The following KLF6 variants were observed in gnomAD, a reference collection of about 807,000 sequenced individuals.
KLF6 encodes Krueppel-like factor 6.
For missense variants in KLF6, 233 were observed against 359.8 expected, an observed-to-expected ratio of 0.65 and a Z score of 2.85; for synonymous variants, 152 against 147.9, an observed-to-expected ratio of 1.03 and a Z score of -0.20.
rs1341867145 is a variant in KLF6 at position 3,781,674 on chromosome 10, AG to A, written c.642del (p.Ser215ProfsTer3). ...FNGCRKVYTK[S>X]SHLKAHQRTH... is the part of the protein sequence containing the mutation. Reference sequence around the variant, plus strand: ...GTCCGCTGGTGTGCTTTCAAGTGGGAGCTTTTGGTGTAAACTTTCCTGCAGC... The same window carrying A: ...GTCCGCTGGTGTGCTTTCAAGTGGGACTTTTGGTGTAAACTTTCCTGCAGC... On this transcript the variant is annotated frameshift_variant, in exon 2 of 4. Coordinates refer to ENST00000497571, the MANE Select transcript of KLF6 (RefSeq NM_001300.6). LOFTEE classifies it high-confidence loss of function. The surrounding 1 kb of genome is among the most constrained non-coding windows in gnomAD (Gnocchi z 5.8). The A allele has an allele frequency of 6.2e-7, 1 of 1,612,856 alleles. No homozygotes were observed. The highest frequency in any genetic ancestry group is 8.5e-7 in the Non-Finnish European group (1 of 1,179,118).
chr10:3,779,484 G>T lies in KLF6; in HGVS notation c.*55C>A. The T allele has an allele frequency of 6.8e-7, 1 of 1,471,940 alleles. No individual in the cohort carries two copies. The highest frequency in any genetic ancestry group is 9.5e-7 in the Non-Finnish European group (1 of 1,050,454). The allele number at this position is 1,471,940 out of a possible 1,614,324, so 91.2% of individuals were successfully genotyped here. ...CTGGAACACGCATCCCTCCTTCCACGGCCGGCTCTCAGCCTGGAAGCCTTT... is the reference window on the plus strand; with the variant it reads ...CTGGAACACGCATCCCTCCTTCCACTGCCGGCTCTCAGCCTGGAAGCCTTT... On this transcript the variant is annotated 3_prime_UTR_variant, in exon 4 of 4. Coordinates refer to ENST00000497571, the MANE Select transcript of KLF6 (RefSeq NM_001300.6).
In KLF6 at chr10:3,776,121, T is replaced by A. The variant is rs758611091; in HGVS notation, c.*3418A>T. The A allele has an allele frequency of 1.9e-6, 1 of 529,804 alleles. No individual in the cohort carries two copies. 32.8% of individuals were successfully genotyped at this position (529,804 alleles called of 1,614,324 possible). On this transcript the variant is annotated 3_prime_UTR_variant, in exon 4 of 4. Coordinates refer to ENST00000497571, the MANE Select transcript of KLF6 (RefSeq NM_001300.6). ...CCCTCCCAGACATGCCTCAGCCAGG[T>A]GTGTGGCAGGGCTGGCTGGGGAAGG...
chr10:3,779,697 G>A, intron 3 of KLF6, 107 bp from the exon 4 acceptor site: 1 of 973,488 alleles, frequency 1.0e-6, no homozygotes, highest in South Asian at 1.4e-5. Flanking sequence ...ACCCCCTGCA[G>A]GGAAAGGTGG....
chr10:3,785,072 G>A lies in KLF6; in HGVS notation c.-58C>T, dbSNP rs754722959. ...GAGGGCGGCGAGGCGCGCGGTGGGA[G>A]CCGGAGCCGAAAGTCTCCCCGGAGC... On this transcript the variant is annotated 5_prime_UTR_variant, in exon 1 of 4. Transcript: ENST00000497571. 7 of 1,605,460 alleles carry A rather than the reference G, an allele frequency of 4.4e-6. No homozygotes were observed. Among genetic ancestry groups the A allele is most frequent in the Admixed American group, 1.7e-5 (1 of 58,998 alleles).
At position 3,779,462 on chromosome 10, in the gene KLF6, G is replaced by C; in HGVS notation, c.*77C>G. The C allele has an allele frequency of 2.4e-6, 3 of 1,266,476 alleles. No homozygotes were observed. Among genetic ancestry groups the C allele is most frequent in the Non-Finnish European group, 3.5e-6 (3 of 864,928 alleles). The allele number at this position is 1,266,476 out of a possible 1,614,324, so 78.5% of individuals were successfully genotyped here. Reference sequence around the variant, plus strand: ...GGTGCAGAACGGCATGCTTTGGCTGGAACACGCATCCCTCCTTCCACGGCC... The same window carrying C: ...GGTGCAGAACGGCATGCTTTGGCTGCAACACGCATCCCTCCTTCCACGGCC... On this transcript the variant is annotated 3_prime_UTR_variant, in exon 4 of 4. Coordinates refer to ENST00000497571, the MANE Select transcript of KLF6 (RefSeq NM_001300.6).
rs760295888 is a variant in KLF6, at chr10:3,782,038, C to G, written c.279G>C (p.Pro93=). The change falls in exon 2 of 4, where the codon CCG becomes CCC. Residue 93 remains proline, a synonymous_variant. Transcript: ENST00000497571. This position sits in a 1 kb window ranked among gnomAD's most constrained non-coding sequence, Gnocchi z 4.3. Reference sequence around the variant, plus strand: ...TGGTCTCTAAGTTGTAACAAAAGCTCGGGCTGATGAGAGTGTCCTCTGGAG... The same window carrying G: ...TGGTCTCTAAGTTGTAACAAAAGCTGGGGCTGATGAGAGTGTCCTCTGGAG... The part of the protein sequence containing the change: ...SSPPEDTLIS[P]SFCYNLETNS... 10 of 1,614,064 alleles carry G rather than the reference C, an allele frequency of 6.2e-6. No individual in the cohort carries two copies. Among genetic ancestry groups the G allele is most frequent in the Admixed American group, 1.7e-5 (1 of 60,002 alleles).
rs183568609 is a variant in KLF6, at chr10:3,785,169, C to T, written c.-155G>A. Reference sequence around the variant, plus strand: ...CCGGACCCTCCCGCAGCCCGCAGCGCGCGGAGCCCACACAATATTTGCAAA... The same window carrying T: ...CCGGACCCTCCCGCAGCCCGCAGCGTGCGGAGCCCACACAATATTTGCAAA... On this transcript the variant is annotated 5_prime_UTR_variant, in exon 1 of 4. Transcript: ENST00000497571. The T allele has an allele frequency of 6.8e-7, 1 of 1,460,542 alleles. No individual in the cohort carries two copies. 90.5% of individuals were successfully genotyped at this position (1,460,542 alleles called of 1,614,324 possible). A position where few individuals can be genotyped will look rare whatever the true frequency, so the allele number is the denominator to read the frequency against.
Position 3,778,120 on chromosome 10 carries a change from A to G in KLF6, c.*1419T>C. ...CCTAAAGTGTTGAACAAATACTGAC[A>G]TGTAAAGGGAGTTTCACTCTATGTC... On this transcript the variant is annotated 3_prime_UTR_variant, in exon 4 of 4. Transcript: ENST00000497571. 1.9e-6 allele frequency: 1 copy of G among 517,464 alleles called. No individual in the cohort carries two copies. The highest frequency in any genetic ancestry group is 1.5e-5 in the South Asian group (1 of 65,044). The allele number at this position is 517,464 out of a possible 1,614,324, so 32.1% of individuals were successfully genotyped here.
chr10:3,777,606 T>G lies in KLF6; in HGVS notation c.*1933A>C, dbSNP rs77837428. 6.0e-3 allele frequency: 3,021 copies of G among 507,500 alleles called. 86 individuals are homozygous for G. The highest frequency in any genetic ancestry group is 0.051 in the African/African-American group (2,651 of 52,338). 31.4% of individuals were successfully genotyped at this position (507,500 alleles called of 1,614,324 possible). On this transcript the variant is annotated 3_prime_UTR_variant, in exon 4 of 4. Transcript: ENST00000497571. Reference sequence around the variant, plus strand: ...GAAAGTCCTCCGCACATCGTTAAATTAAAGATAAAGCCTCTATAAAAGTTA... The same window carrying G: ...GAAAGTCCTCCGCACATCGTTAAATGAAAGATAAAGCCTCTATAAAAGTTA...
Position 3,778,476 on chromosome 10 carries a change from C to G in KLF6, c.*1063G>C, listed in dbSNP as rs1388367462. The stretch of plus-strand genomic sequence containing the variant: ...AACATTAGACCAGCAATTCCCAGCC[C>G]CAGCTTTGTGACACTCAATACGTGT... On this transcript the variant is annotated 3_prime_UTR_variant, in exon 4 of 4. Transcript: ENST00000497571. 1.9e-6 allele frequency: 1 copy of G among 525,436 alleles called. No homozygotes were observed. Among genetic ancestry groups the G allele is most frequent in the Admixed American group, 2.2e-5 (1 of 44,722 alleles). The allele number at this position is 525,436 out of a possible 1,614,324, so 32.5% of individuals were successfully genotyped here.
In KLF6 at chr10:3,779,325, G is replaced by A. The variant is rs1443498941; in HGVS notation, c.*214C>T. 15 of 672,674 alleles carry A rather than the reference G, an allele frequency of 2.2e-5. No individual in the cohort carries two copies. The highest frequency in any genetic ancestry group is 1.9e-4 in the African/African-American group (11 of 56,700). 41.7% of individuals were successfully genotyped at this position (672,674 alleles called of 1,614,324 possible). A position where few individuals can be genotyped will look rare whatever the true frequency, so the allele number is the denominator to read the frequency against. ...GCTCGGAAGGGCGGGTACCAGTGGC[G>A]AGTCCAGGGTCACCCACATACCATG... is the stretch of plus-strand genomic sequence containing the variant. On this transcript the variant is annotated 3_prime_UTR_variant, in exon 4 of 4. Transcript: ENST00000497571.
In KLF6 at chr10:3,776,244, G is replaced by A. The variant is rs1156266467; in HGVS notation, c.*3295C>T. The stretch of plus-strand genomic sequence containing the variant: ...GTCGTTGTGCAGGTGCCTCTGCAAT[G>A]CATTCCCTGGCTTGAGCAATGGAAG... On this transcript the variant is annotated 3_prime_UTR_variant, in exon 4 of 4. Coordinates refer to ENST00000497571, the MANE Select transcript of KLF6 (RefSeq NM_001300.6). 1 of 526,278 alleles carries A rather than the reference G, an allele frequency of 1.9e-6. No homozygotes were observed. The highest frequency in any genetic ancestry group is 2.3e-5 in the Admixed American group (1 of 43,830). 32.6% of individuals were successfully genotyped at this position (526,278 alleles called of 1,614,324 possible).
Position 3,779,311 on chromosome 10 carries a change from C to T in KLF6, c.*228G>A, listed in dbSNP as rs1479167631. ...AAGGCTTAGGCGCCGCTCGGAAGGG[C>T]GGGTACCAGTGGCGAGTCCAGGGTC... On this transcript the variant is annotated 3_prime_UTR_variant, in exon 4 of 4. Coordinates refer to ENST00000497571, the MANE Select transcript of KLF6 (RefSeq NM_001300.6). 9.0e-6 allele frequency: 6 copies of T among 666,426 alleles called. No homozygotes were observed. Among genetic ancestry groups the T allele is most frequent in the South Asian group, 1.5e-5 (1 of 66,326 alleles). 41.3% of individuals were successfully genotyped at this position (666,426 alleles called of 1,614,324 possible).
chr10:3,783,407 G>A (rs1266467308), intron 1 of KLF6: 1 of 152,216 alleles, frequency 6.6e-6, no homozygotes, highest in Non-Finnish European at 1.5e-5. Context: ...ACAGATTTCA[G>A]TTTCTACACC....
Position 3,776,912 on chromosome 10 carries a change from A to C in KLF6, c.*2627T>G. On this transcript the variant is annotated 3_prime_UTR_variant, in exon 4 of 4. Coordinates refer to ENST00000497571, the MANE Select transcript of KLF6 (RefSeq NM_001300.6). ...ACATGTTTCGTAAGTGAGACAAGCC[A>C]GTGCAAGTTTTTTTTTTTCCTTTTT... 2 of 516,450 alleles carry C rather than the reference A, an allele frequency of 3.9e-6. No homozygotes were observed. The highest frequency in any genetic ancestry group is 7.4e-6 in the Non-Finnish European group (2 of 269,116). The allele number at this position is 516,450 out of a possible 1,614,324, so 32.0% of individuals were successfully genotyped here.
chr10:3,779,356 C>T lies in KLF6; in HGVS notation c.*183G>A, dbSNP rs147792850. The T allele has an allele frequency of 3.3e-4, 225 of 688,870 alleles. 3 individuals are homozygous for T. The East Asian group carries it at 5.9e-3, about 18-fold the overall frequency. The allele number at this position is 688,870 out of a possible 1,614,324, so 42.7% of individuals were successfully genotyped here. A position where few individuals can be genotyped will look rare whatever the true frequency, so the allele number is the denominator to read the frequency against. ...AGGGTCACCCACATACCATGCACCA[C>T]GGGTGCTATGCCGCTTCTTACAGGA... On this transcript the variant is annotated 3_prime_UTR_variant, in exon 4 of 4. Transcript: ENST00000497571.
rs112847236 is a variant in KLF6, at chr10:3,781,714, C to T, written c.603G>A (p.Arg201=). 14,949 of 1,614,124 alleles carry T rather than the reference C, an allele frequency of 9.3e-3. 105 individuals carry two copies. Among genetic ancestry groups the T allele is most frequent in the Non-Finnish European group, 0.01 (12,033 of 1,179,992 alleles). The change falls in exon 2 of 4, where the codon CGG becomes CGA. Residue 201 remains arginine, a synonymous_variant. Transcript: ENST00000497571. This position sits in a 1 kb window ranked among gnomAD's most constrained non-coding sequence, Gnocchi z 5.8. The part of the protein sequence containing the change: ...ASPDGRRRVH[R]CHFNGCRKVY... ...CTTTCCTGCAGCCGTTAAAGTGGCA[C>T]CGGTGCACCCTCCTCCTGCCGTCGG...
At chr10:3,779,905 G>A (rs1349796876) in intron 3 of KLF6, among the ~76,000 whole-genome samples, 2 of 152,254 alleles carry the variant, frequency 1.3e-5, no homozygotes, top group Non-Finnish European at 2.9e-5. Flanking sequence ...CCAATGTCAG[G>A]TGTATGTGGA....
In KLF6 at chr10:3,782,555, G is replaced by A. The variant is rs1197028611; in HGVS notation, c.103-341C>T. ...CTCATGAAACCAGAGGAAGAGAACC[G>A]GCCCCATACACATACTCCTCCCCAA... On this transcript the variant is annotated intron_variant, in intron 1 of 3. Coordinates refer to ENST00000497571, the MANE Select transcript of KLF6 (RefSeq NM_001300.6). The surrounding 1 kb of genome is among the most constrained non-coding windows in gnomAD (Gnocchi z 4.3). Among the ~76,000 whole-genome samples, 1 of 152,146 alleles carries A rather than the reference G, an allele frequency of 6.6e-6. No individual in the cohort carries two copies. Among genetic ancestry groups the A allele is most frequent in the Non-Finnish European group, 1.5e-5 (1 of 68,030 alleles).
Sources: allele counts gnomAD v4.1 joint callset (sites outside exome capture counted in the v4.1 genomes callset), GRCh38; gene constraint gnomAD v4.1.1; non-coding constraint Gnocchi (gnomAD v3.1); transcripts MANE v1.5; gene names NCBI Gene and HGNC (gene_info 2026-07-23, HGNC 2026-07-21).